CHRM3: variants seen among roughly 807,000 people sequenced by gnomAD.
CHRM3 encodes cholinergic receptor muscarinic 3, also known as muscarinic acetylcholine receptor M3.
In CHRM3, 11 loss-of-function variants were observed where a neutral mutation model predicts 41.8. The observed-to-expected ratio is 0.26, with a 90% CI of 0.17 to 0.44. The LOEUF (loss-of-function observed/expected upper bound fraction) is 0.44. Ranked by LOEUF, CHRM3 falls within the 20% of genes least tolerant of loss-of-function variation. CHRM3 has a pLI of 1.00. For synonymous variants in CHRM3, 297 were observed against 301.4 expected, an observed-to-expected ratio of 0.99 and a Z score of 0.15; for missense variants, 571 against 745.4, an observed-to-expected ratio of 0.77 and a Z score of 2.72.
chr1:239,644,344 C>G (rs185848285), intron 4 of CHRM3, among the ~76,000 whole-genome samples: 5 of 152,280 alleles, frequency 3.3e-5, no homozygotes, highest in Non-Finnish European at 7.4e-5. Context: ...CCCACCCACC[C>G]GTCTTCCCAC....
chr1:239,843,962 G>A (rs1383236812), intron 6 of CHRM3, among the ~76,000 whole-genome samples: 5 of 151,926 alleles, frequency 3.3e-5, no homozygotes, highest in Non-Finnish European at 7.4e-5. Flanking sequence ...ATACACATAT[G>A]CATACACACA....
intron 1 of CHRM3, among the ~76,000 whole-genome samples, chr1:239,437,966 T>G (rs1232387767): frequency 6.6e-6 from 1 of 152,164 alleles, no homozygotes; most frequent in Non-Finnish European, 1.5e-5. Flanking sequence ...GTGAGTATGA[T>G]CTTCACCAGG....
intron 1 of CHRM3, among the ~76,000 whole-genome samples, chr1:239,462,239 A>G (rs992331831): frequency 1.3e-5 from 2 of 152,190 alleles, no homozygotes; most frequent in Non-Finnish European, 2.9e-5. Context: ...TTATTCCACA[A>G]GCAGTTTTAT....
At chr1:239,832,549 G>T (rs1003915992) in intron 6 of CHRM3, among the ~76,000 whole-genome samples, 1 of 152,022 alleles carries the variant, frequency 6.6e-6, no homozygotes, top group African/African-American at 2.4e-5. Flanking sequence ...AGGGCTCTTG[G>T]ATCTCGTGCA....
intron 4 of CHRM3, among the ~76,000 whole-genome samples, chr1:239,646,942 A>C (rs142383043): frequency 7.5e-4 from 114 of 152,266 alleles, no homozygotes; most frequent in African/African-American, 2.6e-3. Context: ...AGGACTAAAC[A>C]AGGAAAACTA....
intron 5 of CHRM3, among the ~76,000 whole-genome samples, chr1:239,689,899 G>T (rs1358719882): frequency 1.3e-5 from 2 of 152,110 alleles, no homozygotes; most frequent in Non-Finnish European, 2.9e-5. Context: ...AGCCTGGGAA[G>T]AGGCAAGATT....
chr1:239,565,138 G>T (rs1661231983), intron 3 of CHRM3, among the ~76,000 whole-genome samples: 1 of 152,170 alleles, frequency 6.6e-6, no homozygotes, highest in African/African-American at 2.4e-5. Flanking sequence ...ATGACCATCA[G>T]GGACCACTTG....
chr1:239,677,291 G>T (rs919600124), intron 4 of CHRM3, among the ~76,000 whole-genome samples: 24 of 152,174 alleles, frequency 1.6e-4, no homozygotes, highest in African/African-American at 5.5e-4. Context: ...CATATTATTT[G>T]CTTAGTAAAT....
chr1:239,547,492 A>G (rs1659407170), intron 3 of CHRM3, among the ~76,000 whole-genome samples: 1 of 152,202 alleles, frequency 6.6e-6, no homozygotes, highest in Non-Finnish European at 1.5e-5. Context: ...TTTTAGAATC[A>G]GAAAGCCCTG....
intron 5 of CHRM3, among the ~76,000 whole-genome samples, chr1:239,690,644 T>A (rs555208411): frequency 1.3e-5 from 2 of 151,988 alleles, no homozygotes; most frequent in African/African-American, 2.4e-5. Context: ...GAAAAAAAAA[T>A]TACTTAAAAA....
chr1:239,723,562 C>T (rs1663168505), intron 5 of CHRM3, among the ~76,000 whole-genome samples: 2 of 151,906 alleles, frequency 1.3e-5, no homozygotes, highest in African/African-American at 4.8e-5. Flanking sequence ...TGTACTACTA[C>T]AAATATCTGT....
intron 5 of CHRM3, among the ~76,000 whole-genome samples, chr1:239,684,553 C>T (rs1221241203): frequency 3.3e-5 from 5 of 150,926 alleles, no homozygotes; most frequent in African/African-American, 1.2e-4. Context: ...AAAAATTAGC[C>T]GGGCATGTTG....
chr1:239,529,657 A>G (rs1398009524), intron 2 of CHRM3, among the ~76,000 whole-genome samples: 1 of 151,038 alleles, frequency 6.6e-6, no homozygotes, highest in Non-Finnish European at 1.5e-5. Context: ...AATAACAACA[A>G]CAAAAGCCTT....
intron 5 of CHRM3, among the ~76,000 whole-genome samples, chr1:239,732,993 T>G (rs1027260847): frequency 2.6e-5 from 4 of 152,066 alleles, no homozygotes; most frequent in African/African-American, 9.7e-5. Flanking sequence ...TTAATTGGAT[T>G]AACTTTACCC....
chr1:239,718,097 A>G (rs1662575037), intron 5 of CHRM3, among the ~76,000 whole-genome samples: 2 of 152,078 alleles, frequency 1.3e-5, no homozygotes. Flanking sequence ...TGCATGTTAT[A>G]ACATCCCTTA....
At chr1:239,844,161 T>C (rs1015645408) in intron 6 of CHRM3, among the ~76,000 whole-genome samples, 7 of 152,166 alleles carry the variant, frequency 4.6e-5, no homozygotes, top group Admixed American at 1.3e-4. Flanking sequence ...CTTCCTATAG[T>C]TCTCTTGAAC....
chr1:239,604,311 A>G (rs1256893067), intron 3 of CHRM3, among the ~76,000 whole-genome samples: 1 of 10,972 alleles, frequency 9.1e-5, no homozygotes, highest in Non-Finnish European at 1.5e-4. Flanking sequence ...TTAACTGACA[A>G]TCTGAAAAAA....
At chr1:239,622,684 C>G (rs1668518442) in intron 3 of CHRM3, among the ~76,000 whole-genome samples, 1 of 152,078 alleles carries the variant, frequency 6.6e-6, no homozygotes, top group Admixed American at 6.6e-5. Flanking sequence ...TATGGATTAG[C>G]AAAGAAAGTG....
At chr1:239,501,287 A>G (rs1668224836) in intron 2 of CHRM3, among the ~76,000 whole-genome samples, 1 of 152,200 alleles carries the variant, frequency 6.6e-6, no homozygotes, top group Non-Finnish European at 1.5e-5. Context: ...CTTAACAGAT[A>G]CATACAGAAC....
Sources: gnomAD v4.1 joint callset for allele counts (sites outside exome capture counted in the v4.1 genomes callset) on GRCh38, gnomAD v4.1.1 for gene constraint, MANE v1.5 for transcripts, NCBI Gene and HGNC (gene_info 2026-07-23, HGNC 2026-07-21) for gene names.